The following PRKN variants were observed in gnomAD, a reference collection of about 807,000 sequenced individuals.
PRKN encodes parkin RBR E3 ubiquitin protein ligase.
A neutral mutation model predicts 59.5 loss-of-function variants in PRKN; 56 were observed. The observed-to-expected ratio is 0.94, with a 90% CI of 0.76 to 1.18. The LOEUF (loss-of-function observed/expected upper bound fraction) is 1.18, where lower values mean the gene tolerates loss of function less well. PRKN is among the 50% of genes most tolerant of loss of function. The pLI is 0.00. For synonymous variants in PRKN, 250 were observed against 222.1 expected (o/e 1.13, Z -1.12); for missense variants, 657 against 596.4 (o/e 1.10, Z -1.06).
intron 1 of PRKN, among the ~76,000 whole-genome samples, chr6:162,663,903 T>G (rs1173935287): frequency 3.9e-5 from 6 of 152,066 alleles, no homozygotes; most frequent in Non-Finnish European, 7.4e-5. Flanking sequence ...TTTTTGAATT[T>G]TTGAATATTT....
At chr6:162,193,637 C>T (rs895849978) in intron 4 of PRKN, among the ~76,000 whole-genome samples, 1 of 152,116 alleles carries the variant, frequency 6.6e-6, no homozygotes, top group African/African-American at 2.4e-5. Flanking sequence ...GTGACCTATA[C>T]ATGTGTGTCC....
chr6:162,694,236 CA>C (rs149337714), intron 1 of PRKN, among the ~76,000 whole-genome samples: 21,238 of 93,040 alleles, frequency 0.23, 1,394 homozygotes, highest in African/African-American at 0.35. Context: ...AACAGTGAGA[CA>C]AAAAAAAAAA....
chr6:161,351,545 A>G (rs9458228), intron 11 of PRKN, among the ~76,000 whole-genome samples: 69,422 of 151,742 alleles, frequency 0.46, 16,597 homozygotes, highest in African/African-American at 0.55. Context: ...GGCTGGTCTC[A>G]AACTCCTGAC....
chr6:162,059,042 A>C (rs1582970265), intron 4 of PRKN, among the ~76,000 whole-genome samples: 1 of 151,946 alleles, frequency 6.6e-6, no homozygotes, highest in Non-Finnish European at 1.5e-5. Flanking sequence ...ACAGAGTAAG[A>C]CTTCTTACCT....
intron 7 of PRKN, among the ~76,000 whole-genome samples, chr6:161,663,105 G>A (rs1446302263): frequency 2.0e-5 from 3 of 152,210 alleles, no homozygotes; most frequent in Non-Finnish European, 4.4e-5. Context: ...CATGGAAGAT[G>A]TGACTTTGCT....
At chr6:162,335,535 C>A (rs939835848) in intron 2 of PRKN, among the ~76,000 whole-genome samples, 19 of 152,116 alleles carry the variant, frequency 1.2e-4, no homozygotes, top group African/African-American at 4.6e-4. Context: ...TACCAGAGTT[C>A]ATTTTTTCTA....
intron 3 of PRKN, among the ~76,000 whole-genome samples, chr6:162,253,287 T>TCTAAA: frequency 6.6e-6 from 1 of 150,846 alleles, no homozygotes; most frequent in South Asian, 2.1e-4. Context: ...ACAAATCTAA[T>TCTAAA]CTAATCTAAT....
At chr6:161,559,975 C>T (rs1376625635) in intron 8 of PRKN, among the ~76,000 whole-genome samples, 3 of 152,192 alleles carry the variant, frequency 2.0e-5, no homozygotes, top group Admixed American at 1.3e-4. Flanking sequence ...CAGGTAACAA[C>T]AGCCAGGTGC....
chr6:161,652,317 T>C (rs1459212248), intron 7 of PRKN, among the ~76,000 whole-genome samples: 2 of 152,006 alleles, frequency 1.3e-5, no homozygotes, highest in Non-Finnish European at 2.9e-5. Flanking sequence ...CAAGTCAAGG[T>C]ATGGCAGCAA....
rs549856412 is a variant in PRKN, at chr6:161,362,596, T to C, written c.1168-2391A>G. ...TGAGGCAGCAGGTTTGGAAAACATT[T>C]TTCTGAACATTCCTAACCATCAGGC... On this transcript the variant is annotated intron_variant, in intron 10 of 11. Coordinates refer to ENST00000366898, the MANE Select transcript of PRKN (RefSeq NM_004562.3). The surrounding 1 kb of genome is among the most constrained non-coding windows in gnomAD (Gnocchi z 5.2). Among the ~76,000 whole-genome samples, 1 of 152,358 alleles carries C rather than the reference T, an allele frequency of 6.6e-6. No individual in the cohort carries two copies. Among genetic ancestry groups the C allele is most frequent in the Non-Finnish European group, 1.5e-5 (1 of 68,038 alleles).
At chr6:161,786,951 C>T (rs887277316) in intron 6 of PRKN, among the ~76,000 whole-genome samples, 8 of 151,424 alleles carry the variant, frequency 5.3e-5, no homozygotes, top group Non-Finnish European at 8.8e-5. Context: ...TACTGGAAAA[C>T]GAACCACACA....
intron 3 of PRKN, among the ~76,000 whole-genome samples, chr6:162,235,957 GGAAGAAAGA>G (rs1562602224): frequency 4.3e-4 from 38 of 87,502 alleles, no homozygotes; most frequent in Admixed American, 6.1e-4. Context: ...AAGGAAGAAA[GGAAGAAAGA>G]AAGAAAGAAA....
chr6:162,035,775 G>T (rs1294688146), intron 5 of PRKN, among the ~76,000 whole-genome samples: 1 of 152,132 alleles, frequency 6.6e-6, no homozygotes, highest in African/African-American at 2.4e-5. Flanking sequence ...ATAATAAAAA[G>T]ATGAGATTTA....
intron 2 of PRKN, among the ~76,000 whole-genome samples, chr6:162,310,751 A>C (rs887636470): frequency 9.9e-5 from 6 of 60,780 alleles, no homozygotes; most frequent in Admixed American, 9.3e-4. Flanking sequence ...TAATAAAAAT[A>C]TATATATATA....
intron 4 of PRKN, among the ~76,000 whole-genome samples, chr6:162,088,899 T>C (rs911899913): frequency 2.6e-5 from 4 of 152,038 alleles, no homozygotes; most frequent in Admixed American, 2.0e-4. Flanking sequence ...ACATTACATA[T>C]AAAAATTAAG....
At chr6:162,077,549 C>G (rs9347584) in intron 4 of PRKN, among the ~76,000 whole-genome samples, 29 of 151,870 alleles carry the variant, frequency 1.9e-4, no homozygotes, top group African/African-American at 5.8e-4. Flanking sequence ...TTATAAATTG[C>G]TTGTGATTAT....
intron 7 of PRKN, among the ~76,000 whole-genome samples, chr6:161,743,386 T>TTTTA (rs372492770): frequency 0.079 from 11,098 of 140,198 alleles, 562 homozygotes; most frequent in African/African-American, 0.13. Flanking sequence ...CATCCAGCTT[T>TTTTA]TTTATTTATT....
At chr6:162,161,583 G>A (rs905731314) in intron 4 of PRKN, among the ~76,000 whole-genome samples, 2 of 152,130 alleles carry the variant, frequency 1.3e-5, no homozygotes, top group East Asian at 3.9e-4. Flanking sequence ...TTTGTCCGGC[G>A]TATCCACCCT....
At chr6:161,795,039 C>T (rs1790784054) in intron 6 of PRKN, among the ~76,000 whole-genome samples, 1 of 151,476 alleles carries the variant, frequency 6.6e-6, no homozygotes, top group African/African-American at 2.4e-5. Flanking sequence ...CACCCACCAC[C>T]ACACCCAGCT....
Sources: gnomAD v4.1 joint callset for allele counts (sites outside exome capture counted in the v4.1 genomes callset) on GRCh38, gnomAD v4.1.1 for gene constraint, Gnocchi (gnomAD v3.1) non-coding constraint, MANE v1.5 for transcripts, NCBI Gene and HGNC (gene_info 2026-07-23, HGNC 2026-07-21) for gene names.